EPC1: variants seen among roughly 807,000 people sequenced by gnomAD.
EPC1 encodes enhancer of polycomb 1, also known as enhancer of polycomb homolog 1.
In EPC1, 12 loss-of-function variants were observed where a neutral mutation model predicts 98.4. The ratio of observed to expected loss-of-function variants is 0.12; its 90% CI spans 0.08 to 0.20. EPC1 has a LOEUF of 0.20. EPC1 is among the 10% of genes least tolerant of loss of function. The pLI, the probability that EPC1 is intolerant of heterozygous loss-of-function variation, is 1.00. For missense variants in EPC1, 729 were observed against 990.5 expected, an observed-to-expected ratio of 0.74 and a Z score of 3.54; for synonymous variants, 357 against 363.9, an observed-to-expected ratio of 0.98 and a Z score of 0.21.
intron 1 of EPC1, among the ~76,000 whole-genome samples, chr10:32,359,699 A>G (rs1334896122): frequency 6.6e-6 from 1 of 152,230 alleles, no homozygotes; most frequent in Non-Finnish European, 1.5e-5. Flanking sequence ...TACAGTATAC[A>G]ACATAATATT....
chr10:32,304,808 A>T (rs1835776438), intron 2 of EPC1, among the ~76,000 whole-genome samples: 1 of 151,412 alleles, frequency 6.6e-6, no homozygotes, highest in Admixed American at 6.6e-5. Context: ...AATCCCAACT[A>T]CTCGGGAGGC....
chr10:32,330,261 A>C (rs758882320), intron 1 of EPC1, among the ~76,000 whole-genome samples: 23 of 152,150 alleles, frequency 1.5e-4, no homozygotes, highest in Admixed American at 3.9e-4. Flanking sequence ...CAATACCTTG[A>C]ATTATGGAAG....
At chr10:32,276,924 A>AGTTT (rs1836134308) in intron 10 of EPC1, among the ~76,000 whole-genome samples, 1 of 152,218 alleles carries the variant, frequency 6.6e-6, no homozygotes, top group African/African-American at 2.4e-5. Flanking sequence ...CAGATGACCA[A>AGTTT]ACCTACAGTC....
upstream of EPC1, among the ~76,000 whole-genome samples, chr10:32,351,468 C>T (rs571476002): frequency 4.6e-5 from 7 of 151,984 alleles, no homozygotes; most frequent in South Asian, 1.2e-3. Context: ...ACCAGCCTGG[C>T]CAACATGATG....
chr10:32,300,746 T>C (rs1835468662), intron 2 of EPC1, among the ~76,000 whole-genome samples: 1 of 152,156 alleles, frequency 6.6e-6, no homozygotes, highest in Non-Finnish European at 1.5e-5. Context: ...TTTTTACTTT[T>C]TCAATGGTTT....
At chr10:32,271,119 G>A (rs1049993455) in intron 13 of EPC1, among the ~76,000 whole-genome samples, 4 of 151,874 alleles carry the variant, frequency 2.6e-5, no homozygotes, top group African/African-American at 9.7e-5. Context: ...AGCCTCCTGA[G>A]TAGCTGAGAT....
At chr10:32,300,510 T>C (rs377299280) in intron 2 of EPC1, among the ~76,000 whole-genome samples, 5 of 151,316 alleles carry the variant, frequency 3.3e-5, no homozygotes, top group East Asian at 2.0e-4. Context: ...CTCGGCTCAC[T>C]GCAATCTCTG....
intron 1 of EPC1, among the ~76,000 whole-genome samples, chr10:32,335,689 C>T (rs532804473): frequency 1.3e-5 from 2 of 152,332 alleles, no homozygotes; most frequent in African/African-American, 4.8e-5. Flanking sequence ...GTTTTCTCAA[C>T]TACCACACTT....
intron 9 of EPC1, chr10:32,286,483 T>G (rs1836684790): frequency 1.9e-6 from 1 of 539,830 alleles, no homozygotes; most frequent in Non-Finnish European, 3.2e-6. Flanking sequence ...GAAAAGCAGG[T>G]CCACTAGGGA....
intron 1 of EPC1, among the ~76,000 whole-genome samples, chr10:32,361,060 C>T (rs1360865853): frequency 6.6e-6 from 1 of 152,218 alleles, no homozygotes; most frequent in Non-Finnish European, 1.5e-5. Flanking sequence ...GTGCTCTGGG[C>T]AGCCATCCTC....
chr10:32,275,593 C>T (rs1209181917), intron 10 of EPC1, among the ~76,000 whole-genome samples: 3 of 137,820 alleles, frequency 2.2e-5, no homozygotes, highest in African/African-American at 8.2e-5. Context: ...AGTGAAACCC[C>T]ATCTCTACCA....
intron 1 of EPC1, among the ~76,000 whole-genome samples, chr10:32,343,165 T>C (rs1422830512): frequency 1.3e-5 from 2 of 152,176 alleles, no homozygotes; most frequent in Non-Finnish European, 2.9e-5. Flanking sequence ...GTCACATCTG[T>C]ACTTCATTAA....
intron 1 of EPC1, among the ~76,000 whole-genome samples, chr10:32,339,632 C>G (rs1838207662): frequency 6.6e-6 from 1 of 152,192 alleles, no homozygotes; most frequent in South Asian, 2.1e-4. Context: ...CAAAATACAT[C>G]TAACACTTTT....
At chr10:32,342,537 T>TA (rs943797835) in intron 1 of EPC1, among the ~76,000 whole-genome samples, 1 of 152,184 alleles carries the variant, frequency 6.6e-6, no homozygotes, top group African/African-American at 2.4e-5. Flanking sequence ...GGTGGGAGTA[T>TA]AAAGACCATC....
chr10:32,302,721 A>G (rs1158777258), intron 2 of EPC1, among the ~76,000 whole-genome samples: 1 of 152,012 alleles, frequency 6.6e-6, no homozygotes, highest in African/African-American at 2.4e-5. Flanking sequence ...AAGAGGATGT[A>G]CAGACTGGCA....
Position 32,347,108 on chromosome 10 carries a change from GCT to G in EPC1, c.-195_-194del. On this transcript the variant is annotated 5_prime_UTR_variant, in exon 1 of 14. Transcript: ENST00000319778. Reference sequence around the variant, plus strand: ...GTGCCGCTCCGCTCCTCTCTCGCTCGCTCTCTTCAATACGCCATGGCCAACAT... The same window carrying G: ...GTGCCGCTCCGCTCCTCTCTCGCTCGCTCTTCAATACGCCATGGCCAACAT... The G allele has an allele frequency of 4.2e-6, 6 of 1,440,114 alleles. No homozygotes were observed. The South Asian group carries it at 4.4e-5, about 11-fold the overall frequency. 89.2% of individuals were successfully genotyped at this position (1,440,114 alleles called of 1,614,324 possible).
chr10:32,357,489 C>T (rs987198225), intron 1 of EPC1, among the ~76,000 whole-genome samples: 1 of 152,216 alleles, frequency 6.6e-6, no homozygotes, highest in African/African-American at 2.4e-5. Flanking sequence ...GACACAGGAT[C>T]TTGCTTTGTG....
At chr10:32,297,374 C>T (rs934346758) in intron 2 of EPC1, among the ~76,000 whole-genome samples, 10 of 151,480 alleles carry the variant, frequency 6.6e-5, no homozygotes, top group South Asian at 4.2e-4. Flanking sequence ...CTCCGCCTCT[C>T]GGGTTCAAGC....
intron 1 of EPC1, among the ~76,000 whole-genome samples, chr10:32,339,837 A>G (rs1195159221): frequency 6.6e-6 from 1 of 152,192 alleles, no homozygotes; most frequent in East Asian, 1.9e-4. Flanking sequence ...GCAGAGACTA[A>G]AGTTCTTTCA....
Sources: allele counts gnomAD v4.1 joint callset (sites outside exome capture counted in the v4.1 genomes callset), GRCh38; gene constraint gnomAD v4.1.1; transcripts MANE v1.5; gene names NCBI Gene and HGNC (gene_info 2026-07-23, HGNC 2026-07-21).